The following AADAT variants were observed in gnomAD, a reference collection of about 807,000 sequenced individuals.
AADAT encodes kynurenine/alpha-aminoadipate aminotransferase, mitochondrial.
Under a neutral mutation model 56.2 loss-of-function variants are expected in AADAT, and 25 were observed. That is an observed-to-expected ratio of 0.44 (90% CI 0.32 to 0.62). The LOEUF (loss-of-function observed/expected upper bound fraction) is 0.62, where lower values mean the gene tolerates loss of function less well. Ranked by LOEUF, AADAT falls within the 20% of genes least tolerant of loss-of-function variation. The probability of loss-of-function intolerance (pLI) is 0.04; values close to 1 mark genes in which losing one functional copy is unlikely to be tolerated. For synonymous variants in AADAT, 173 were observed against 164.7 expected (o/e 1.05, Z -0.39); for missense variants, 387 against 510.5 (o/e 0.76, Z 2.33).
chr4:170,093,481 GT>G (rs1272536290), upstream of AADAT, among the ~76,000 whole-genome samples: 1 of 152,152 alleles, frequency 6.6e-6, no homozygotes, highest in Non-Finnish European at 1.5e-5. Context: ...GTAGGAACCT[GT>G]TCGGTCAAAG....
At chr4:170,089,978 G>T, upstream of AADAT, 1 of 217,950 alleles carries the variant, frequency 4.6e-6, no homozygotes, top group Non-Finnish European at 9.0e-6. Flanking sequence ...GGCCCAGGCC[G>T]GTTTTGCCCC....
intron 1 of AADAT, 180 bp downstream of exon 1, chr4:170,089,444 G>T: frequency 1.5e-6 from 1 of 683,780 alleles, no homozygotes; most frequent in Non-Finnish European, 2.5e-6. Context: ...GTTTCAGCCC[G>T]AGTTCTTTGA....
chr4:170,091,774 T>C (rs1732847940), upstream of AADAT: 1 of 152,328 alleles, frequency 6.6e-6, no homozygotes, highest in Admixed American at 6.5e-5. Context: ...TGTGTCTAGC[T>C]CAGGGTTTGT....
In AADAT at chr4:170,073,362, A is replaced by C; in HGVS notation, c.445-17T>G. 1.9e-6 allele frequency: 3 copies of C among 1,608,410 alleles called. No homozygotes were observed. The highest frequency in any genetic ancestry group is 1.7e-5 in the Admixed American group (1 of 59,312). Reference sequence around the variant, plus strand: ...TGGGTGCAGCTGTTGAGCACAAAAGAAAGCCTGAGTCAGTCATGATTACAA... The same window carrying C: ...TGGGTGCAGCTGTTGAGCACAAAAGCAAGCCTGAGTCAGTCATGATTACAA... On this transcript the variant is annotated splice_polypyrimidine_tract_variant and intron_variant, in intron 4 of 12. Coordinates refer to ENST00000337664, the MANE Select transcript of AADAT (RefSeq NM_016228.4).
chr4:170,073,195 T>C lies in AADAT; in HGVS notation c.595A>G (p.Asn199Asp), dbSNP rs1485157498. The C allele has an allele frequency of 6.2e-7, 1 of 1,614,158 alleles. No individual in the cohort carries two copies. The highest frequency in any genetic ancestry group is 8.5e-7 in the Non-Finnish European group (1 of 1,180,024). ...GAGTTTCCAGTAGGGTTGTTGCCAT[T>C]TGGAACAGTATAAAGAAATTTGGGG... Reference protein sequence around the residue: ...NTPKFLYTVPNGNNPTGNSLT... With the variant: ...NTPKFLYTVPDGNNPTGNSLT... Residue 199 changes from asparagine (N) to aspartate (D), a missense_variant, in exon 5 of 13, where the codon AAT (asparagine) becomes GAT (aspartate). Coordinates refer to ENST00000337664, the MANE Select transcript of AADAT (RefSeq NM_016228.4).
chr4:170,062,042 A>G (rs369670390), intron 11 of AADAT, 49 bp from the exon 12 acceptor site: 1 of 1,319,304 alleles, frequency 7.6e-7, no homozygotes, highest in Non-Finnish European at 1.1e-6. Context: ...AGAAAAACTC[A>G]AAGATAATAT....
intron 6 of AADAT, among the ~76,000 whole-genome samples, chr4:170,069,494 A>C (rs11735565): frequency 6.6e-6 from 1 of 152,196 alleles, no homozygotes; most frequent in Non-Finnish European, 1.5e-5. Flanking sequence ...TATGAACTTA[A>C]GGAAACTTCA....
chr4:170,076,343 C>T (rs1354238194), intron 4 of AADAT, among the ~76,000 whole-genome samples: 1 of 152,130 alleles, frequency 6.6e-6, no homozygotes, highest in Non-Finnish European at 1.5e-5. Flanking sequence ...TTTCCCCAAG[C>T]CTGAGTCTTG....
At position 170,089,661 on chromosome 4, in the gene AADAT, C is replaced by T. The variant is rs755262373; in HGVS notation, c.30G>A (p.Ala10=). MNYARFITA[A]SAARNPSPIR... ...TGGGAGAAGGGTTTCTGGCTGCGCT[C>T]GCTGCCGTGATGAACCGTGCGTAAT... is the stretch of plus-strand genomic sequence containing the variant. Residue 10 remains alanine, a synonymous_variant, in exon 1 of 13, where the codon GCG becomes GCA. Coordinates refer to ENST00000337664, the MANE Select transcript of AADAT (RefSeq NM_016228.4). The T allele has an allele frequency of 6.2e-6, 10 of 1,614,056 alleles. No homozygotes were observed. The Admixed American group carries it at 6.7e-5, about 11-fold the overall frequency.
Position 170,064,724 on chromosome 4 carries a change from T to C in AADAT, c.1129A>G (p.Met377Val). The part of the protein sequence containing the change: ...KELIEEKAVK[M>V]GVLMLPGNAF... ...CCTTCACCTCCCAGTTTTACCCCCATCTTAACGGCCTTTTCTTCAATCAGT... is the reference window on the plus strand; with the variant it reads ...CCTTCACCTCCCAGTTTTACCCCCACCTTAACGGCCTTTTCTTCAATCAGT... Residue 377 changes from methionine to valine, a missense_variant, in exon 11 of 13, where the codon ATG becomes GTG. Physicochemically the swap from Met to Val is conservative, Grantham distance 21. Transcript: ENST00000337664. 1 of 1,604,436 alleles carries C rather than the reference T, an allele frequency of 6.2e-7. No individual in the cohort carries two copies. Among genetic ancestry groups the C allele is most frequent in the African/African-American group, 1.3e-5 (1 of 74,506 alleles).
chr4:170,063,399 G>C (rs1409515865), intron 11 of AADAT, among the ~76,000 whole-genome samples: 1 of 152,180 alleles, frequency 6.6e-6, no homozygotes, highest in Admixed American at 6.5e-5. Flanking sequence ...TATATCCTTA[G>C]CGCCTCGCTT....
chr4:170,087,076 C>T (rs761234999), intron 3 of AADAT, 40 bp downstream of exon 3: 39 of 1,610,720 alleles, frequency 2.4e-5, no homozygotes, highest in Non-Finnish European at 7.6e-6. Flanking sequence ...ATGAATGCTT[C>T]CAATTCTACA....
intron 5 of AADAT, among the ~76,000 whole-genome samples, chr4:170,072,044 T>A (rs147570508): frequency 7.1e-4 from 108 of 152,138 alleles, no homozygotes; most frequent in African/African-American, 2.4e-3. Flanking sequence ...GAAAGGTGGA[T>A]ACAGAAGCAT....
intron 12 of AADAT, 51 bp downstream of exon 12, chr4:170,061,841 A>C (rs368940133): frequency 7.1e-6 from 10 of 1,398,952 alleles, no homozygotes; most frequent in Non-Finnish European, 9.9e-6. Flanking sequence ...ACGTGCATTA[A>C]AAAAACAGAA....
At chr4:170,065,921 T>A (rs1269166211) in intron 10 of AADAT, among the ~76,000 whole-genome samples, 2 of 152,256 alleles carry the variant, frequency 1.3e-5, no homozygotes, top group South Asian at 2.1e-4. Context: ...TAAAGCCATA[T>A]GATTAATTTG....
intron 4 of AADAT, 37 bp downstream of exon 4, chr4:170,078,472 T>G: frequency 7.7e-7 from 1 of 1,291,544 alleles, no homozygotes; most frequent in South Asian, 1.3e-5. Flanking sequence ...TCTTATTTAC[T>G]ACAAGAGAGT....
chr4:170,079,204 C>T (rs1430136188), intron 3 of AADAT, among the ~76,000 whole-genome samples: 1 of 152,140 alleles, frequency 6.6e-6, no homozygotes, highest in Non-Finnish European at 1.5e-5. Context: ...TCAGGGAATT[C>T]AGGGAAGGCA....
At chr4:170,070,793 TA>T (rs1731721005) in intron 5 of AADAT, 141 bp from the exon 6 acceptor site, 2 of 591,910 alleles carry the variant, frequency 3.4e-6, no homozygotes, top group Non-Finnish European at 2.9e-6. Context: ...ACAACGAGGA[TA>T]AAAAGAGGAA....
At position 170,068,643 on chromosome 4, in the gene AADAT, C is replaced by G. The variant is rs1731604335; in HGVS notation, c.848G>C (p.Arg283Thr). The G allele has an allele frequency of 6.2e-7, 1 of 1,608,324 alleles. No individual in the cohort carries two copies. The highest frequency in any genetic ancestry group is 1.3e-5 in the African/African-American group (1 of 74,668). ...TGAAACTTGTATGTGTAAAATAACT[C>G]TCTCTATTAAGGGTTTTGGACCAGT... ...FLTGPKPLIERVILHIQVSTL... is the reference protein window; with the variant it reads ...FLTGPKPLIETVILHIQVSTL... The change falls in exon 8 of 13, where the codon AGA becomes ACA. Residue 283 changes from arginine (R) to threonine (T), a missense_variant. Transcript: ENST00000337664.
Sources: gnomAD v4.1 joint callset for allele counts (sites outside exome capture counted in the v4.1 genomes callset) on GRCh38, gnomAD v4.1.1 for gene constraint, MANE v1.5 for transcripts, NCBI Gene and HGNC (gene_info 2026-07-23, HGNC 2026-07-21) for gene names.